Variants in FHIT observed in about 807,000 individuals in gnomAD.
The protein encoded by FHIT is bis(5'-adenosyl)-triphosphatase.
Under a neutral mutation model 17.9 loss-of-function variants are expected in FHIT, and 19 were observed. That is an observed-to-expected ratio of 1.06 (90% CI 0.74 to 1.56). FHIT has a LOEUF of 1.56. FHIT is among the 40% of genes most tolerant of loss of function. The pLI is 0.00. For synonymous variants in FHIT, 81 were observed against 69.7 expected, an observed-to-expected ratio of 1.16 and a Z score of -0.81; for missense variants, 248 against 189.2, an observed-to-expected ratio of 1.31 and a Z score of -1.82.
chr3:60,302,640 C>T (rs1442035229), intron 5 of FHIT, among the ~76,000 whole-genome samples: 1 of 152,130 alleles, frequency 6.6e-6, no homozygotes, highest in African/African-American at 2.4e-5. Flanking sequence ...AATGTGACTT[C>T]CCATTTCAAA....
At chr3:60,788,911 A>G (rs1411249866) in intron 4 of FHIT, among the ~76,000 whole-genome samples, 1 of 152,072 alleles carries the variant, frequency 6.6e-6, no homozygotes, top group African/African-American at 2.4e-5. Context: ...TAAAATTGAA[A>G]CTAAAATGCT....
At chr3:59,916,744 T>C (rs1264445168) in intron 8 of FHIT, among the ~76,000 whole-genome samples, 1 of 152,186 alleles carries the variant, frequency 6.6e-6, no homozygotes, top group Non-Finnish European at 1.5e-5. Flanking sequence ...GAGGGAGCAT[T>C]TGAGGTCATA....
intron 4 of FHIT, among the ~76,000 whole-genome samples, chr3:60,721,316 C>T (rs1157792104): frequency 2.6e-5 from 4 of 152,136 alleles, no homozygotes; most frequent in African/African-American, 7.2e-5. Flanking sequence ...TAAGAACACA[C>T]ATATTTGTAC....
At chr3:60,190,381 G>T (rs1702347841) in intron 5 of FHIT, among the ~76,000 whole-genome samples, 1 of 151,620 alleles carries the variant, frequency 6.6e-6, no homozygotes, top group Non-Finnish European at 1.5e-5. Context: ...AAAACTAAAA[G>T]AAAAAAGGTG....
intron 3 of FHIT, among the ~76,000 whole-genome samples, chr3:60,954,648 A>G (rs782010281): frequency 3.9e-5 from 6 of 152,240 alleles, no homozygotes; most frequent in Non-Finnish European, 7.3e-5. Context: ...GAAGGTAGTT[A>G]GAGACAATAA....
chr3:60,452,964 G>A (rs1403608313), intron 5 of FHIT, among the ~76,000 whole-genome samples: 1 of 152,178 alleles, frequency 6.6e-6, no homozygotes, highest in Non-Finnish European at 1.5e-5. Context: ...CATTTCTGTA[G>A]TGTACACGAA....
rs143310072 is a variant in FHIT at position 60,102,974 on chromosome 3, A to G, written c.104-88822T>C. Among the ~76,000 whole-genome samples, 482 of 152,296 alleles carry G rather than the reference A, an allele frequency of 3.2e-3. 10 individuals carry two copies. The highest frequency in any genetic ancestry group is 0.028 in the Admixed American group (428 of 15,292). ...AGTTGTGGAAAGTCAAATAATTCCT[A>G]GACTTTTTCTTTCTGAGCACATGTG... On this transcript the variant is annotated intron_variant, in intron 5 of 9. Coordinates refer to ENST00000492590, the MANE Select transcript of FHIT (RefSeq NM_002012.4).
chr3:60,019,693 C>T (rs1276012972), intron 5 of FHIT, among the ~76,000 whole-genome samples: 1 of 152,164 alleles, frequency 6.6e-6, no homozygotes, highest in East Asian at 1.9e-4. Flanking sequence ...GCTGGGGTTA[C>T]AGGCATGAGC....
At position 60,646,759 on chromosome 3, in the gene FHIT, A is replaced by C. The variant is rs546360773; in HGVS notation, c.-17-109780T>G. 4.6e-5 allele frequency among the ~76,000 whole-genome samples: 7 copies of C among 152,310 alleles called. No homozygotes were observed. The South Asian group carries it at 1.5e-3, about 32-fold the overall frequency. ...ACTCACAGTGACTGGTTAAGGGTAA[A>C]AGTGGGGGAAAAAAGCAAAACTGTA... On this transcript the variant is annotated intron_variant, in intron 4 of 9. Transcript: ENST00000492590.
At chr3:60,684,474 G>C (rs568252520) in intron 4 of FHIT, among the ~76,000 whole-genome samples, 1 of 152,200 alleles carries the variant, frequency 6.6e-6, no homozygotes, top group Non-Finnish European at 1.5e-5. Context: ...CCAGACTCCA[G>C]AGTTCATGTT....
At chr3:60,641,732 G>C (rs571371091) in intron 4 of FHIT, among the ~76,000 whole-genome samples, 3 of 152,266 alleles carry the variant, frequency 2.0e-5, no homozygotes, top group African/African-American at 7.2e-5. Context: ...TCAGGTTTTG[G>C]AAGGGAGAGA....
At chr3:60,161,379 T>G (rs1306039359) in intron 5 of FHIT, among the ~76,000 whole-genome samples, 2 of 152,148 alleles carry the variant, frequency 1.3e-5, no homozygotes, top group Admixed American at 6.5e-5. Flanking sequence ...TTTCCACAAC[T>G]GTGATGAGGG....
At chr3:59,903,370 C>T (rs950422667) in intron 8 of FHIT, among the ~76,000 whole-genome samples, 7 of 152,090 alleles carry the variant, frequency 4.6e-5, no homozygotes, top group Admixed American at 4.6e-4. Context: ...GTGACAGTTA[C>T]ACAACTCTGA....
intron 5 of FHIT, among the ~76,000 whole-genome samples, chr3:60,245,457 A>G (rs1452600430): frequency 6.6e-6 from 1 of 152,064 alleles, no homozygotes; most frequent in Non-Finnish European, 1.5e-5. Flanking sequence ...ATTACCTTCT[A>G]TCATGGAGAA....
intron 5 of FHIT, among the ~76,000 whole-genome samples, chr3:60,245,403 A>G (rs1705341024): frequency 6.6e-6 from 1 of 152,028 alleles, no homozygotes. Flanking sequence ...GATCCCTTCA[A>G]AGTTCTAAAC....
rs578100817 is a variant in FHIT at position 59,748,269 on chromosome 3, T to G, written c.*1316A>C. On this transcript the variant is annotated 3_prime_UTR_variant, in exon 10 of 10. Transcript: ENST00000492590. ...TGAATCAAGTAAATAATGCTCTAGG[T>G]GGTCCACAAAGATAAGAAAAATCAT... Among the ~76,000 whole-genome samples, 28 of 152,294 alleles carry G rather than the reference T, an allele frequency of 1.8e-4. No individual in the cohort carries two copies. The highest frequency in any genetic ancestry group is 6.5e-4 in the African/African-American group (27 of 41,572).
intron 8 of FHIT, among the ~76,000 whole-genome samples, chr3:59,904,504 T>G (rs1704493210): frequency 6.6e-6 from 1 of 152,178 alleles, no homozygotes; most frequent in Non-Finnish European, 1.5e-5. Context: ...AGGAGACAAG[T>G]AGACTGAAGT....
chr3:60,918,998 G>A (rs1329655193), intron 3 of FHIT, among the ~76,000 whole-genome samples: 1 of 152,038 alleles, frequency 6.6e-6, no homozygotes, highest in African/African-American at 2.4e-5. Context: ...AAAAAAAAGG[G>A]AGTTGCTTTA....
chr3:60,982,249 G>A (rs1710528790), intron 3 of FHIT, among the ~76,000 whole-genome samples: 1 of 152,190 alleles, frequency 6.6e-6, no homozygotes, highest in South Asian at 2.1e-4. Context: ...TGCTCTACAG[G>A]AGACTGTCCA....
Sources: allele counts gnomAD v4.1 joint callset (sites outside exome capture counted in the v4.1 genomes callset), GRCh38; gene constraint gnomAD v4.1.1; transcripts MANE v1.5; gene names NCBI Gene and HGNC (gene_info 2026-07-23, HGNC 2026-07-21).